ALPK3: variants seen among roughly 807,000 people sequenced by gnomAD.
ALPK3 encodes the protein alpha kinase 3, also known as alpha-protein kinase 3.
Under a neutral mutation model 140.0 loss-of-function variants are expected in ALPK3, and 102 were observed. The ratio of observed to expected loss-of-function variants is 0.73; its 90% CI spans 0.62 to 0.86. The LOEUF (loss-of-function observed/expected upper bound fraction) is 0.86. Among genes scored for constraint, ALPK3 ranks in the 40% least tolerant of loss-of-function variants. The pLI is 0.00. For missense variants in ALPK3, 2,254 were observed against 2,208.2 expected (o/e 1.02, Z -0.42); for synonymous variants, 938 against 898.5 (o/e 1.04, Z -0.79).
rs1964021929 is a variant in ALPK3 at position 84,868,098 on chromosome 15, T to A, written c.4773-13T>A. On this transcript the variant is annotated splice_polypyrimidine_tract_variant and intron_variant, in intron 13 of 13. Coordinates refer to ENST00000258888, the MANE Select transcript of ALPK3 (RefSeq NM_020778.5). ...GTTGGGACCCCCACTCAGCTCTTCC[T>A]GTCTGGCTGCAGATACCAGGGCCTC... The A allele has an allele frequency of 6.2e-7, 1 of 1,602,776 alleles. No individual in the cohort carries two copies. Among genetic ancestry groups the A allele is most frequent in the Admixed American group, 1.7e-5 (1 of 59,234 alleles).
At chr15:84,817,677 A>G in intron 1 of ALPK3, 82 bp downstream of exon 1, 3 of 1,362,822 alleles carry the variant, frequency 2.2e-6, no homozygotes, top group Non-Finnish European at 1.9e-6. Flanking sequence ...TGGCCCCTGG[A>G]GGCCTGGGCT....
intron 5 of ALPK3, among the ~76,000 whole-genome samples, chr15:84,847,688 A>G (rs545018624): frequency 8.5e-5 from 13 of 152,226 alleles, no homozygotes; most frequent in Admixed American, 2.0e-4. Flanking sequence ...AAATATCTTT[A>G]AGTATTGAAA....
chr15:84,844,728 A>T (rs1963709227), intron 5 of ALPK3, among the ~76,000 whole-genome samples: 1 of 152,130 alleles, frequency 6.6e-6, no homozygotes. Context: ...GTGGTGATGC[A>T]CATCTGTAAT....
At chr15:84,861,114 C>T (rs920976890) in intron 9 of ALPK3, among the ~76,000 whole-genome samples, 3 of 152,262 alleles carry the variant, frequency 2.0e-5, no homozygotes, top group African/African-American at 7.2e-5. Flanking sequence ...CCAACTGTCT[C>T]ATATGCGTTG....
Position 84,864,341 on chromosome 15 carries a change from G to A in ALPK3, c.4500-101G>A, listed in dbSNP as rs1963980640. Reference sequence around the variant, plus strand: ...GCTCGGAGCTGAGAATTACATTCTTGGAAGGGCCCTTCTTTTAGGTCCAAG... The same window carrying A: ...GCTCGGAGCTGAGAATTACATTCTTAGAAGGGCCCTTCTTTTAGGTCCAAG... On this transcript the variant is annotated intron_variant, in intron 11 of 13. Transcript: ENST00000258888. 8.1e-6 allele frequency: 10 copies of A among 1,240,184 alleles called. No individual in the cohort carries two copies. The Admixed American group carries it at 1.6e-4, about 20-fold the overall frequency. The allele number at this position is 1,240,184 out of a possible 1,614,324, so 76.8% of individuals were successfully genotyped here. A position where few individuals can be genotyped will look rare whatever the true frequency, so the allele number is the denominator to read the frequency against.
At chr15:84,847,214 A>G (rs1322322013) in intron 5 of ALPK3, among the ~76,000 whole-genome samples, 952 of 72,754 alleles carry the variant, frequency 0.013, 17 homozygotes, top group African/African-American at 0.029. Flanking sequence ...ACGGGGAGAG[A>G]GAGAGAGAGA....
intron 12 of ALPK3, among the ~76,000 whole-genome samples, chr15:84,864,954 C>G (rs185230561): frequency 1.3e-5 from 2 of 152,248 alleles, no homozygotes; most frequent in East Asian, 3.9e-4. Flanking sequence ...TACATGGGGT[C>G]TAATTCAAAA....
chr15:84,820,634 A>T (rs1176736756), intron 1 of ALPK3, among the ~76,000 whole-genome samples: 2 of 151,890 alleles, frequency 1.3e-5, no homozygotes, highest in Non-Finnish European at 2.9e-5. Context: ...GACGCCTGCC[A>T]CCGCACCCGG....
chr15:84,858,317 C>G lies in ALPK3; in HGVS notation c.3579C>G (p.Pro1193=). Residue 1193 remains proline (P), a synonymous_variant, in exon 6 of 14, where the codon CCC becomes CCG. Coordinates refer to ENST00000258888, the MANE Select transcript of ALPK3 (RefSeq NM_020778.5). ...AAAGGGAGAGCCCCACGGTTTCCCC[C>G]CGGGGGCCCAGGAAAAGCCTGGTGC... The part of the protein sequence containing the change: ...PEERESPTVS[P]RGPRKSLVPG... 1 of 1,564,900 alleles carries G rather than the reference C, an allele frequency of 6.4e-7. No individual in the cohort carries two copies.
At chr15:84,852,874 A>G (rs1963820176) in intron 5 of ALPK3, among the ~76,000 whole-genome samples, 1 of 152,306 alleles carries the variant, frequency 6.6e-6, no homozygotes, top group East Asian at 1.9e-4. Context: ...TGCAGTGAGG[A>G]AAAGAGTTTA....
chr15:84,852,103 A>G (rs955770829), intron 5 of ALPK3, among the ~76,000 whole-genome samples: 1 of 152,212 alleles, frequency 6.6e-6, no homozygotes, highest in Non-Finnish European at 1.5e-5. Flanking sequence ...CACACCTATT[A>G]TGAAGTTTAG....
intron 1 of ALPK3, 47 bp downstream of exon 1, chr15:84,817,642 G>T: frequency 6.8e-7 from 1 of 1,460,090 alleles, no homozygotes; most frequent in Admixed American, 2.4e-5. Context: ...GCGATGCCCT[G>T]GGATCAGTCC....
chr15:84,866,097 T>G (rs1312795084), intron 12 of ALPK3, among the ~76,000 whole-genome samples: 1 of 152,220 alleles, frequency 6.6e-6, no homozygotes, highest in Non-Finnish European at 1.5e-5. Context: ...AGGAATAATG[T>G]CTTTCCTACC....
intron 2 of ALPK3, among the ~76,000 whole-genome samples, chr15:84,826,039 G>A (rs1596145963): frequency 6.6e-6 from 1 of 152,172 alleles, no homozygotes; most frequent in South Asian, 2.1e-4. Flanking sequence ...GGTGATCTTT[G>A]TGGGGGAGGG....
chr15:84,830,033 A>G (rs1963529305), intron 3 of ALPK3, among the ~76,000 whole-genome samples: 1 of 152,242 alleles, frequency 6.6e-6, no homozygotes, highest in Non-Finnish European at 1.5e-5. Flanking sequence ...AATATTATTC[A>G]TAACTGAACA....
chr15:84,844,372 A>C (rs1310446908), intron 5 of ALPK3, among the ~76,000 whole-genome samples: 1 of 152,114 alleles, frequency 6.6e-6, no homozygotes, highest in Non-Finnish European at 1.5e-5. Context: ...GTGCTACTGC[A>C]CTCCAGCCTC....
At chr15:84,829,345 C>T (rs1413427276) in intron 3 of ALPK3, among the ~76,000 whole-genome samples, 2 of 152,214 alleles carry the variant, frequency 1.3e-5, no homozygotes, top group East Asian at 3.8e-4. Context: ...TGGTTCTTAT[C>T]TTCTTAGTTT....
Position 84,856,477 on chromosome 15 carries a change from G to A in ALPK3, c.1739G>A (p.Gly580Glu). The change falls in exon 6 of 14, where the codon GGA (glycine) becomes GAA (glutamate). Residue 580 changes from glycine to glutamate, a missense_variant. Physicochemically the swap from Gly to Glu is moderately conservative, Grantham distance 98 (BLOSUM62 -2). Coordinates refer to ENST00000258888, the MANE Select transcript of ALPK3 (RefSeq NM_020778.5). ...GCCTCCATTGGGGTTAGCACTTCCG[G>A]AAGTCAAGGTATCATTGAACCCATG... ...DVASIGVSTS[G>E]SQGIIEPMDM... 6.2e-7 allele frequency: 1 copy of A among 1,614,194 alleles called. No individual in the cohort carries two copies. Among genetic ancestry groups the A allele is most frequent in the Non-Finnish European group, 8.5e-7 (1 of 1,180,034 alleles).
At chr15:84,835,792 C>T (rs952114840) in intron 3 of ALPK3, among the ~76,000 whole-genome samples, 4 of 152,162 alleles carry the variant, frequency 2.6e-5, no homozygotes, top group Non-Finnish European at 5.9e-5. Context: ...GAGTCCCTAG[C>T]CAGAGGTGAT....
Sources: allele counts gnomAD v4.1 joint callset (sites outside exome capture counted in the v4.1 genomes callset), GRCh38; gene constraint gnomAD v4.1.1; transcripts MANE v1.5; gene names NCBI Gene and HGNC (gene_info 2026-07-23, HGNC 2026-07-21).